EPM2A: variants seen among roughly 807,000 people sequenced by gnomAD.
The protein encoded by EPM2A is EPM2A glucan phosphatase, laforin.
EPM2A carries 21 observed loss-of-function variants against 26.5 expected under a neutral mutation model. The ratio of observed to expected loss-of-function variants is 0.79; its 90% confidence interval spans 0.56 to 1.14. The LOEUF (loss-of-function observed/expected upper bound fraction) is 1.14. Among genes scored for constraint, EPM2A ranks in the 50% most tolerant of loss-of-function variants. The pLI is 0.00. For synonymous variants in EPM2A, 217 were observed against 177.6 expected (o/e 1.22, Z -1.76); for missense variants, 458 against 440.8 (o/e 1.04, Z -0.35).
chr6:145,428,795 G>A (rs757721554), intron 4 of EPM2A, among the ~76,000 whole-genome samples: 4 of 152,140 alleles, frequency 2.6e-5, no homozygotes, highest in Admixed American at 6.5e-5. Context: ...CTTCTTCATC[G>A]CACAGTAAGA....
At chr6:145,725,842 T>C (rs1277374329) in intron 1 of EPM2A, among the ~76,000 whole-genome samples, 2 of 152,068 alleles carry the variant, frequency 1.3e-5, no homozygotes, top group Non-Finnish European at 2.9e-5. Flanking sequence ...TCATAATGAA[T>C]ACATGACACT....
chr6:145,590,428 C>T (rs1475045006), intron 2 of EPM2A, among the ~76,000 whole-genome samples: 1 of 141,196 alleles, frequency 7.1e-6, no homozygotes, highest in Non-Finnish European at 1.6e-5. Context: ...AAATGGAGGG[C>T]AAAAACTGAA....
rs191634115 is a variant in EPM2A at position 145,686,011 on chromosome 6, T to C, written c.476+111A>G. On this transcript the variant is annotated intron_variant, in intron 2 of 3. Coordinates refer to ENST00000367519, the MANE Select transcript of EPM2A (RefSeq NM_005670.4). ...TTCTCCTCAAAGTACTACAGGCCTA[T>C]AGACCCCTCCCAAGTGAGGCACTGC... 4.2e-5 allele frequency: 39 copies of C among 931,166 alleles called. No homozygotes were observed. In the Admixed American group the frequency reaches 4.3e-4, roughly 10 times the overall value. 57.7% of individuals were successfully genotyped at this position (931,166 alleles called of 1,614,324 possible).
chr6:145,732,409 CACATATAT>C (rs1169846016), intron 1 of EPM2A, among the ~76,000 whole-genome samples: 1,597 of 144,202 alleles, frequency 0.011, 13 homozygotes, highest in South Asian at 0.021. Flanking sequence ...AACACACACA[CACATATAT>C]ATATATATAT....
chr6:145,389,153 C>A (rs770068952), intron 4 of EPM2A, among the ~76,000 whole-genome samples: 7 of 151,804 alleles, frequency 4.6e-5, no homozygotes, highest in Non-Finnish European at 8.8e-5. Flanking sequence ...AAAATGCAAC[C>A]CCCTCTTCTC....
intron 4 of EPM2A, among the ~76,000 whole-genome samples, chr6:145,447,919 T>C (rs949278677): frequency 6.6e-6 from 1 of 152,126 alleles, no homozygotes; most frequent in Non-Finnish European, 1.5e-5. Context: ...CTTGAATTCA[T>C]ATATTGTTTT....
chr6:145,653,800 AGT>A (rs1778062084), intron 2 of EPM2A, among the ~76,000 whole-genome samples: 3 of 152,302 alleles, frequency 2.0e-5, no homozygotes, highest in Admixed American at 2.0e-4. Context: ...CACATTATGG[AGT>A]GTACTCTGAT....
intron 2 of EPM2A, among the ~76,000 whole-genome samples, chr6:145,602,498 C>A (rs1781428750): frequency 6.6e-6 from 1 of 152,148 alleles, no homozygotes; most frequent in South Asian, 2.1e-4. Flanking sequence ...ATGGTGGTGC[C>A]CCTACAAGAC....
At chr6:145,389,371 T>C (rs1287699525) in intron 4 of EPM2A, among the ~76,000 whole-genome samples, 1 of 152,068 alleles carries the variant, frequency 6.6e-6, no homozygotes, top group African/African-American at 2.4e-5. Context: ...TTTATATTTT[T>C]AGTAGAGACG....
chr6:145,492,527 C>T (rs1028641764), intron 4 of EPM2A, among the ~76,000 whole-genome samples: 2 of 151,864 alleles, frequency 1.3e-5, no homozygotes, highest in South Asian at 2.1e-4. Context: ...CGCCTTCATC[C>T]ACACCTGTGG....
intron 2 of EPM2A, among the ~76,000 whole-genome samples, chr6:145,678,147 T>C (rs548557064): frequency 1.3e-5 from 2 of 152,270 alleles, no homozygotes; most frequent in South Asian, 4.1e-4. Flanking sequence ...CATCTGATCA[T>C]TGACAAACCT....
chr6:145,398,494 G>A (rs558931449), intron 4 of EPM2A, among the ~76,000 whole-genome samples: 6 of 152,146 alleles, frequency 3.9e-5, no homozygotes, highest in Non-Finnish European at 7.4e-5. Context: ...TTGTCTCAAA[G>A]TGTTGCCGCT....
At chr6:145,593,858 G>C (rs1781306349) in intron 2 of EPM2A, among the ~76,000 whole-genome samples, 2 of 151,768 alleles carry the variant, frequency 1.3e-5, no homozygotes, top group African/African-American at 4.8e-5. Flanking sequence ...CCTTAGGAAA[G>C]CAGAGAAAGA....
At chr6:145,671,328 T>A (rs1779624825) in intron 2 of EPM2A, 1 of 1,009,090 alleles carries the variant, frequency 9.9e-7, no homozygotes, top group Non-Finnish European at 1.2e-6. Flanking sequence ...TGAATGTACG[T>A]CTTGAGCTAC....
chr6:145,502,240 G>T (rs1562360332), intron 3 of EPM2A, among the ~76,000 whole-genome samples: 2 of 152,188 alleles, frequency 1.3e-5, no homozygotes, highest in East Asian at 3.8e-4. Flanking sequence ...TGACATCTGG[G>T]CATCTTCTTG....
In EPM2A at chr6:145,627,510, G is replaced by A. The variant is rs796052428; in HGVS notation, c.902C>T (p.Pro301Leu). Residue 301 changes from proline (P) to leucine (L), a missense_variant, in exon 4 of 4, where the codon CCG becomes CTG. Transcript: ENST00000367519. ...KVQYFLMAKR[P>L]AVYIDEEALA... ...GGCCTCTTCGTCAATGTAGACAGCC[G>A]GCCTCTTGGCCATGAGGAAATACTG... 6 of 1,614,106 alleles carry A rather than the reference G, an allele frequency of 3.7e-6. No homozygotes were observed. The highest frequency in any genetic ancestry group is 3.3e-5 in the Admixed American group (2 of 60,012).
downstream of EPM2A, among the ~76,000 whole-genome samples, chr6:145,499,318 G>A (rs564192432): frequency 6.6e-6 from 1 of 152,168 alleles, no homozygotes; most frequent in African/African-American, 2.4e-5. Context: ...AGCATAACAT[G>A]TTTTTTCCTA....
At chr6:145,535,094 GA>G (rs1780413147) in intron 2 of EPM2A, among the ~76,000 whole-genome samples, 1 of 152,100 alleles carries the variant, frequency 6.6e-6, no homozygotes, top group Non-Finnish European at 1.5e-5. Flanking sequence ...TCAAACAACA[GA>G]AAAAGAATAG....
chr6:145,649,782 CAA>C (rs1400321083), intron 2 of EPM2A, among the ~76,000 whole-genome samples: 1 of 152,156 alleles, frequency 6.6e-6, no homozygotes, highest in Non-Finnish European at 1.5e-5. Flanking sequence ...TTTCCCACTG[CAA>C]AGAGTTGAGT....
Sources: allele counts gnomAD v4.1 joint callset (sites outside exome capture counted in the v4.1 genomes callset), GRCh38; gene constraint gnomAD v4.1.1; transcripts MANE v1.5; gene names NCBI Gene and HGNC (gene_info 2026-07-23, HGNC 2026-07-21).